The following STPG2 variants were observed in gnomAD, a reference collection of about 807,000 sequenced individuals.
The protein encoded by STPG2 is sperm tail PG-rich repeat containing 2.
Under a neutral mutation model 54.2 loss-of-function variants are expected in STPG2, and 56 were observed. That is an observed-to-expected ratio of 1.03 (90% CI 0.83 to 1.29). STPG2 has a LOEUF of 1.29. STPG2 is among the 50% of genes most tolerant of loss of function. The pLI is 0.00. For missense variants in STPG2, 596 were observed against 544.9 expected, an observed-to-expected ratio of 1.09 and a Z score of -0.93; for synonymous variants, 200 against 181.8, an observed-to-expected ratio of 1.10 and a Z score of -0.81.
chr4:97,993,303 A>G (rs1402432872), intron 5 of STPG2, among the ~76,000 whole-genome samples: 1 of 152,048 alleles, frequency 6.6e-6, no homozygotes, highest in Non-Finnish European at 1.5e-5. Context: ...GGAATGCTGG[A>G]TTTTGTCAAA....
chr4:97,621,695 T>C (rs1560689508), intron 10 of STPG2, among the ~76,000 whole-genome samples: 1 of 152,098 alleles, frequency 6.6e-6, no homozygotes, highest in African/African-American at 2.4e-5. Flanking sequence ...ATTCTACTAA[T>C]GTATAAAGAA....
intron 10 of STPG2, among the ~76,000 whole-genome samples, chr4:97,574,800 A>G (rs1455795603): frequency 6.6e-6 from 1 of 152,050 alleles, no homozygotes; most frequent in Non-Finnish European, 1.5e-5. Context: ...CTAAGATGCC[A>G]TATTTTGGGA....
intron 4 of STPG2, among the ~76,000 whole-genome samples, chr4:97,516,563 G>T (rs1333104864): frequency 1.3e-5 from 2 of 151,856 alleles, no homozygotes; most frequent in African/African-American, 2.4e-5. Context: ...TGGCTGACAC[G>T]TGTAATCCCA....
At chr4:98,130,940 C>A (rs6532722) in intron 2 of STPG2, among the ~76,000 whole-genome samples, 28,445 of 93,688 alleles carry the variant, frequency 0.3, 4,735 homozygotes, top group African/African-American at 0.35. Flanking sequence ...AAAAAAAAAA[C>A]AAAAAAAAAA....
At chr4:97,725,206 T>G (rs1374883087) in intron 9 of STPG2, among the ~76,000 whole-genome samples, 2 of 152,016 alleles carry the variant, frequency 1.3e-5, no homozygotes, top group African/African-American at 4.8e-5. Context: ...ATTCCAATAA[T>G]ACATACATCC....
At chr4:98,102,363 C>T (rs2110137332) in intron 5 of STPG2, among the ~76,000 whole-genome samples, 1 of 152,252 alleles carries the variant, frequency 6.6e-6, no homozygotes, top group South Asian at 2.1e-4. Flanking sequence ...CATATATTGT[C>T]CACGGCTCCT....
At chr4:97,989,841 G>C (rs894881872) in intron 5 of STPG2, among the ~76,000 whole-genome samples, 22 of 152,210 alleles carry the variant, frequency 1.4e-4, no homozygotes, top group African/African-American at 5.1e-4. Context: ...AAGAAGTTGA[G>C]AGATTTCATC....
At chr4:97,853,805 T>C (rs1472417739) in intron 8 of STPG2, among the ~76,000 whole-genome samples, 3 of 152,108 alleles carry the variant, frequency 2.0e-5, no homozygotes, top group Non-Finnish European at 4.4e-5. Flanking sequence ...ATTTAGAAAC[T>C]GGGTCTCATT....
intron 5 of STPG2, among the ~76,000 whole-genome samples, chr4:98,098,308 A>G (rs1157058846): frequency 6.6e-6 from 1 of 152,186 alleles, no homozygotes; most frequent in East Asian, 1.9e-4. Context: ...GAACCCGGAA[A>G]AAAAACCCAC....
intron 5 of STPG2, among the ~76,000 whole-genome samples, chr4:98,098,251 T>G (rs1204121865): frequency 1.3e-5 from 2 of 151,930 alleles, no homozygotes; most frequent in African/African-American, 2.4e-5. Flanking sequence ...CAAAACACCA[T>G]GGTACTGGCA....
intron 2 of STPG2, among the ~76,000 whole-genome samples, chr4:98,129,717 G>T (rs1242108408): frequency 6.6e-6 from 1 of 152,072 alleles, no homozygotes; most frequent in Non-Finnish European, 1.5e-5. Flanking sequence ...GGCATTTAAA[G>T]CATTTAGTTA....
intron 8 of STPG2, among the ~76,000 whole-genome samples, chr4:97,892,718 C>G (rs1164871821): frequency 6.6e-6 from 1 of 152,194 alleles, no homozygotes; most frequent in Non-Finnish European, 1.5e-5. Flanking sequence ...AGCACATGCA[C>G]CAACCACAGG....
At chr4:97,872,565 A>G (rs1730029341) in intron 8 of STPG2, among the ~76,000 whole-genome samples, 1 of 151,342 alleles carries the variant, frequency 6.6e-6, no homozygotes, top group Admixed American at 6.6e-5. Context: ...AGTATTCAAA[A>G]AAATCTGGAA....
At chr4:97,661,640 A>G (rs896489409) in intron 10 of STPG2, among the ~76,000 whole-genome samples, 19 of 152,138 alleles carry the variant, frequency 1.2e-4, no homozygotes, top group African/African-American at 4.6e-4. Flanking sequence ...ACTCCTTATA[A>G]TCTTAATTCC....
At chr4:98,013,879 T>C (rs1735840002) in intron 5 of STPG2, among the ~76,000 whole-genome samples, 2 of 152,120 alleles carry the variant, frequency 1.3e-5, no homozygotes, top group African/African-American at 4.8e-5. Context: ...TTAATGTAGC[T>C]AGTGGTCTAT....
chr4:97,954,918 A>G lies in STPG2; in HGVS notation c.934-10911T>C, dbSNP rs184279009. Among the ~76,000 whole-genome samples the G allele has an allele frequency of 4.6e-5, 7 of 152,334 alleles. No homozygotes were observed. In the East Asian group the frequency reaches 1.2e-3, roughly 25 times the overall value. On this transcript the variant is annotated intron_variant, in intron 7 of 10. Coordinates refer to ENST00000295268, the MANE Select transcript of STPG2 (RefSeq NM_174952.3). ...GACTAATGGATGATCCAGATATTAG[A>G]GTTAGCAGACAAGAACTTTTTTAAA...
rs183433722 is a variant in STPG2 at position 97,477,780 on chromosome 4, G to A, written c.462+234919C>T. On this transcript the variant is annotated intron_variant, in intron 4 of 4. Transcript: ENST00000522676. ...GCTGGGATTACAGACGTGAGGAACC[G>A]CGCCTGGCCTCGCTTTTTAAATAAT... is the stretch of plus-strand genomic sequence containing the variant. Among the ~76,000 whole-genome samples the A allele has an allele frequency of 3.5e-4, 53 of 151,988 alleles. 1 individual carries two copies. In the East Asian group the frequency reaches 8.1e-3, roughly 23 times the overall value.
At chr4:97,883,732 TAGAC>T (rs1730462449) in intron 8 of STPG2, among the ~76,000 whole-genome samples, 1 of 152,162 alleles carries the variant, frequency 6.6e-6, no homozygotes, top group African/African-American at 2.4e-5. Flanking sequence ...AAAAAAGTTT[TAGAC>T]AGAATCCAAG....
At chr4:97,733,465 C>A (rs962424919) in intron 9 of STPG2, among the ~76,000 whole-genome samples, 8 of 151,230 alleles carry the variant, frequency 5.3e-5, no homozygotes, top group Admixed American at 4.6e-4. Context: ...GAATAGGGAT[C>A]AAAAACTACA....
Sources: gnomAD v4.1 joint callset for allele counts (sites outside exome capture counted in the v4.1 genomes callset) on GRCh38, gnomAD v4.1.1 for gene constraint, MANE v1.5 for transcripts, NCBI Gene and HGNC (gene_info 2026-07-23, HGNC 2026-07-21) for gene names.